Variants in TATDN3 observed in about 807,000 individuals in gnomAD.
TATDN3 encodes TatD DNase domain containing 3.
TATDN3 carries 29 observed loss-of-function variants against 40.1 expected under a neutral mutation model. The ratio of observed to expected loss-of-function variants is 0.72; its 90% CI spans 0.54 to 0.99. The LOEUF is 0.99. Among genes scored for constraint, TATDN3 ranks in the 50% least tolerant of loss-of-function variants. TATDN3 has a pLI of 0.00. For synonymous variants in TATDN3, 105 were observed against 117.0 expected, an observed-to-expected ratio of 0.90 and a Z score of 0.66; for missense variants, 309 against 321.9, an observed-to-expected ratio of 0.96 and a Z score of 0.31.
At chr1:212,804,760 C>T (rs1325532217) in intron 7 of TATDN3, 109 bp downstream of exon 7, 1 of 903,014 alleles carries the variant, frequency 1.1e-6, no homozygotes, top group African/African-American at 1.7e-5. Flanking sequence ...AGGGCAGGGG[C>T]AAGAAGGGGG....
At chr1:212,814,754 G>A (rs1055269039) in intron 9 of TATDN3, among the ~76,000 whole-genome samples, 21 of 152,172 alleles carry the variant, frequency 1.4e-4, no homozygotes, top group Non-Finnish European at 2.5e-4. Context: ...GGTGTTCACT[G>A]TTTGCAGACT....
intron 4 of TATDN3, 51 bp downstream of exon 4, chr1:212,797,247 T>A: frequency 7.3e-7 from 1 of 1,376,394 alleles, no homozygotes; most frequent in Non-Finnish European, 1.0e-6. Context: ...ACGAAAGAAT[T>A]ATTTGACTCA....
intron 2 of TATDN3, among the ~76,000 whole-genome samples, chr1:212,795,825 A>G (rs1325001131): frequency 6.6e-6 from 1 of 152,212 alleles, no homozygotes; most frequent in Non-Finnish European, 1.5e-5. Flanking sequence ...ACTAATTTAT[A>G]GCCAATCATT....
intron 6 of TATDN3, 46 bp from the exon 7 acceptor site, chr1:212,804,545 AACAAT>A (rs1242707989): frequency 1.9e-6 from 3 of 1,589,572 alleles, no homozygotes; most frequent in Admixed American, 1.7e-5. Flanking sequence ...ATAGATCAAA[AACAAT>A]ACTTTCAGAA....
chr1:212,794,756 G>C (rs1425933090), intron 1 of TATDN3: 1 of 488,136 alleles, frequency 2.0e-6, no homozygotes, highest in Non-Finnish European at 4.0e-6. Context: ...ATGAGAGAGT[G>C]GTATTGCAGA....
rs576763383 is a variant in TATDN3 at position 212,813,971 on chromosome 1, T to C, written c.682-1042T>C. ...GATCTTTATGTGGTAAACCTCTGTA[T>C]ATATATTTTTTTTGTTAATTTTTTT... On this transcript the variant is annotated intron_variant, in intron 9 of 9. Transcript: ENST00000366974. Among the ~76,000 whole-genome samples the C allele has an allele frequency of 2.4e-4, 29 of 119,440 alleles. No homozygotes were observed. The South Asian group carries it at 6.2e-3, about 25-fold the overall frequency. 78.4% of individuals were successfully genotyped at this position (119,440 alleles called of 152,430 possible).
intron 1 of TATDN3, among the ~76,000 whole-genome samples, chr1:212,793,366 C>T (rs547222717): frequency 6.6e-6 from 1 of 152,064 alleles, no homozygotes; most frequent in Non-Finnish European, 1.5e-5. Context: ...GTGTGTCCCA[C>T]CACGCCTGGC....
chr1:212,806,504 G>A (rs1023948865), intron 7 of TATDN3, among the ~76,000 whole-genome samples: 1 of 148,718 alleles, frequency 6.7e-6, no homozygotes, highest in African/African-American at 2.5e-5. Flanking sequence ...ACAAGTAGCT[G>A]GGACTATGGG....
At chr1:212,814,877 C>G in intron 9 of TATDN3, 136 bp from the exon 10 acceptor site, 1 of 928,244 alleles carries the variant, frequency 1.1e-6, no homozygotes, top group South Asian at 1.8e-5. Context: ...CAGCCCTCAT[C>G]CCCACCTAAA....
At chr1:212,794,275 C>A in intron 1 of TATDN3, among the ~76,000 whole-genome samples, 1 of 134,940 alleles carries the variant, frequency 7.4e-6, no homozygotes, top group Non-Finnish European at 1.6e-5. Context: ...AGCGAGACTC[C>A]ATCTCAAAAA....
intron 7 of TATDN3, among the ~76,000 whole-genome samples, chr1:212,806,688 T>C (rs188852234): frequency 3.0e-4 from 43 of 144,790 alleles, no homozygotes; most frequent in Non-Finnish European, 3.5e-4. Flanking sequence ...GCCAACATTA[T>C]TGAATATTTC....
At chr1:212,803,911 C>T (rs1373305731) in intron 5 of TATDN3, among the ~76,000 whole-genome samples, 2 of 151,984 alleles carry the variant, frequency 1.3e-5, no homozygotes, top group Non-Finnish European at 2.9e-5. Flanking sequence ...TAGCAGGCAC[C>T]TGTAATCCCA....
At chr1:212,794,790 A>G (rs780684348) in intron 1 of TATDN3, 10 of 529,380 alleles carry the variant, frequency 1.9e-5, no homozygotes, top group South Asian at 1.4e-4. Context: ...AAGCATTTCA[A>G]GAAGGAAGGA....
Position 212,807,853 on chromosome 1 carries a change from AT to A in TATDN3, c.600+11del. On this transcript the variant is annotated splice_donor_region_variant and intron_variant, in intron 8 of 9. Transcript: ENST00000366974. ...TCTATCATAAGAAGTGGACAGGTAA[AT>A]TTTTTCATTGAAACTCATCTAATAC... is the stretch of plus-strand genomic sequence containing the variant. 6.3e-7 allele frequency: 1 copy of A among 1,580,986 alleles called. No homozygotes were observed.
intron 5 of TATDN3, 103 bp from the exon 6 acceptor site, chr1:212,804,217 T>C: frequency 1.4e-6 from 1 of 713,264 alleles, no homozygotes; most frequent in African/African-American, 1.8e-5. Flanking sequence ...GGCTTGCTTT[T>C]GTGCCTCACA....
chr1:212,794,845 G>C (rs1443271181), intron 1 of TATDN3: 1 of 616,870 alleles, frequency 1.6e-6, no homozygotes, highest in Admixed American at 2.1e-5. Flanking sequence ...AGTAGAGTAA[G>C]ATGAGGACAG....
intron 8 of TATDN3, among the ~76,000 whole-genome samples, chr1:212,809,543 G>A (rs1044250181): frequency 6.6e-6 from 1 of 152,106 alleles, no homozygotes; most frequent in Non-Finnish European, 1.5e-5. Context: ...AATTAGCCAG[G>A]CATGGTGGTG....
chr1:212,811,983 G>A (rs1480435806), intron 8 of TATDN3, among the ~76,000 whole-genome samples: 1 of 151,964 alleles, frequency 6.6e-6, no homozygotes, highest in Non-Finnish European at 1.5e-5. Flanking sequence ...TTACAAGCAT[G>A]AGCCACTGTG....
At chr1:212,797,551 A>G (rs1055859592) in intron 4 of TATDN3, 5 of 170,926 alleles carry the variant, frequency 2.9e-5, no homozygotes, top group Non-Finnish European at 6.2e-5. Context: ...ACATCTACAT[A>G]AGCATATATT....
Sources: gnomAD v4.1 joint callset for allele counts (sites outside exome capture counted in the v4.1 genomes callset) on GRCh38, gnomAD v4.1.1 for gene constraint, MANE v1.5 for transcripts, NCBI Gene and HGNC (gene_info 2026-07-23, HGNC 2026-07-21) for gene names.